GCLC: variants seen among roughly 807,000 people sequenced by gnomAD.
GCLC encodes the protein glutamate--cysteine ligase catalytic subunit.
Under a neutral mutation model 81.5 loss-of-function variants are expected in GCLC, and 30 were observed. The ratio of observed to expected loss-of-function variants is 0.37; its 90% CI spans 0.28 to 0.50. GCLC has a LOEUF of 0.50. Among genes scored for constraint, GCLC ranks in the 20% least tolerant of loss-of-function variants. GCLC has a pLI of 0.96. For synonymous variants in GCLC, 262 were observed against 273.3 expected, an observed-to-expected ratio of 0.96 and a Z score of 0.41; for missense variants, 556 against 777.4, an observed-to-expected ratio of 0.72 and a Z score of 3.39.
At chr6:53,514,050 CTAATA>C in intron 6 of GCLC, 149 bp downstream of exon 6, 1 of 663,478 alleles carries the variant, frequency 1.5e-6, no homozygotes, top group South Asian at 1.8e-5. Context: ...AATGAATTTA[CTAATA>C]TAACTTCATG....
intron 3 of GCLC, among the ~76,000 whole-genome samples, chr6:53,518,816 CAGTTCACTAGA>C (rs1469225965): frequency 6.6e-6 from 1 of 152,136 alleles, no homozygotes; most frequent in Admixed American, 6.5e-5. Context: ...TTAAATTTTC[CAGTTCACTAGA>C]AGTTGTCATT....
rs762512472 is a variant in GCLC, at chr6:53,544,667, C to CTCT, written c.-23_-22insAGA. On this transcript the variant is annotated 5_prime_UTR_variant, in exon 1 of 16. Transcript: ENST00000650454. ...CCATGGCCGCCCCCTCCTCCTCCTC[C>CTCT]TCCTCCTCCGGGCTGACGGCGGTCG... 1.9e-6 allele frequency: 3 copies of CTCT among 1,583,148 alleles called. No individual in the cohort carries two copies. The highest frequency in any genetic ancestry group is 8.5e-7 in the Non-Finnish European group (1 of 1,172,040).
In GCLC at chr6:53,522,403, A is replaced by C. The variant is rs1434443071; in HGVS notation, c.263+12T>G. ...AGTTTCAGAAACACTAAATCAGCAC[A>C]TGAGAGCTTACTTTGGGTTTGTCCT... On this transcript the variant is annotated intron_variant, in intron 2 of 15. Transcript: ENST00000650454. The C allele has an allele frequency of 6.9e-7, 1 of 1,446,670 alleles. No individual in the cohort carries two copies. The highest frequency in any genetic ancestry group is 1.7e-5 in the Admixed American group (1 of 59,840). 89.6% of individuals were successfully genotyped at this position (1,446,670 alleles called of 1,614,324 possible).
chr6:53,537,644 A>AATAC (rs1412908866), intron 1 of GCLC, among the ~76,000 whole-genome samples: 3 of 148,572 alleles, frequency 2.0e-5, no homozygotes, highest in East Asian at 1.9e-4. Flanking sequence ...TAAATACATA[A>AATAC]ATACATAATA....
intron 6 of GCLC, 84 bp downstream of exon 6, chr6:53,514,120 G>T: frequency 7.7e-7 from 1 of 1,301,728 alleles, no homozygotes; most frequent in Non-Finnish European, 1.1e-6. Flanking sequence ...TGTGATTTTT[G>T]GAACAGGAAA....
intron 6 of GCLC, chr6:53,513,415 T>C (rs1283464746): frequency 1.3e-5 from 2 of 152,240 alleles, no homozygotes; most frequent in Non-Finnish European, 2.9e-5. Context: ...CTTCTGTTAG[T>C]TAAGGCAATA....
At chr6:53,542,667 T>C (rs979623301) in intron 1 of GCLC, among the ~76,000 whole-genome samples, 2 of 152,064 alleles carry the variant, frequency 1.3e-5, no homozygotes, top group Non-Finnish European at 2.9e-5. Context: ...CCTGGGACAA[T>C]GACTACCAAA....
chr6:53,532,292 G>A (rs972535627), intron 1 of GCLC, among the ~76,000 whole-genome samples: 7 of 152,222 alleles, frequency 4.6e-5, no homozygotes, highest in Non-Finnish European at 1.0e-4. Flanking sequence ...TCTCTCGACT[G>A]CGCCCTCTCA....
intron 1 of GCLC, among the ~76,000 whole-genome samples, chr6:53,540,693 A>T (rs1453986878): frequency 6.6e-6 from 1 of 151,266 alleles, no homozygotes; most frequent in African/African-American, 2.5e-5. Flanking sequence ...ACACACACAC[A>T]CACACACACA....
chr6:53,514,063 A>AG, intron 6 of GCLC, 141 bp downstream of exon 6: 1 of 754,054 alleles, frequency 1.3e-6, no homozygotes, highest in South Asian at 1.6e-5. Flanking sequence ...ATATAACTTC[A>AG]TGTTTTTCAG....
At chr6:53,539,612 CT>C (rs199986988) in intron 1 of GCLC, among the ~76,000 whole-genome samples, 2,965 of 138,960 alleles carry the variant, frequency 0.021, 93 homozygotes, top group African/African-American at 0.078. Flanking sequence ...TCATTTTTGT[CT>C]TTTTTTTAAT....
chr6:53,504,021 T>G (rs921751838), intron 12 of GCLC, among the ~76,000 whole-genome samples: 3 of 152,156 alleles, frequency 2.0e-5, no homozygotes, highest in Admixed American at 1.3e-4. Context: ...AGGCCACTAA[T>G]TAGAATTCCT....
chr6:53,528,897 G>C (rs930276792), intron 1 of GCLC, among the ~76,000 whole-genome samples: 6 of 152,116 alleles, frequency 3.9e-5, no homozygotes, highest in Non-Finnish European at 8.8e-5. Context: ...TGAGTCCCAA[G>C]AGAAAAATTT....
intron 1 of GCLC, among the ~76,000 whole-genome samples, chr6:53,541,861 T>C (rs1763361597): frequency 2.0e-5 from 3 of 152,042 alleles, no homozygotes; most frequent in Non-Finnish European, 1.5e-5. Flanking sequence ...GTAAGAGCAG[T>C]GTTATCAAAT....
At chr6:53,502,602 C>T (rs1351538049) in intron 12 of GCLC, among the ~76,000 whole-genome samples, 1 of 152,234 alleles carries the variant, frequency 6.6e-6, no homozygotes, top group Non-Finnish European at 1.5e-5. Flanking sequence ...TTCTACCTCA[C>T]ATTTTGCCTG....
At chr6:53,505,199 C>A in intron 12 of GCLC, 193 bp downstream of exon 12, 1 of 556,594 alleles carries the variant, frequency 1.8e-6, no homozygotes, top group Non-Finnish European at 3.2e-6. Context: ...AGCCATCAAT[C>A]ATCTTGAATG....
At chr6:53,532,357 T>C (rs1763188274) in intron 1 of GCLC, among the ~76,000 whole-genome samples, 1 of 152,210 alleles carries the variant, frequency 6.6e-6, no homozygotes, top group Non-Finnish European at 1.5e-5. Context: ...AATGACCGAG[T>C]CTGCAGGAAC....
rs1763016490 is a variant in GCLC, at chr6:53,522,518, T to G, written c.160A>C (p.Met54Leu). The change falls in exon 2 of 16, where the codon ATG becomes CTG. Residue 54 changes from methionine (M) to leucine (L), a missense_variant. By Grantham distance (15) the Met-to-Leu change is conservative. Transcript: ENST00000650454. ...TTTTCATGATCAAAAGATACCAACATGTATTCCACCTATTGAAAATAAAGG... is the reference window on the plus strand; with the variant it reads ...TTTTCATGATCAAAAGATACCAACAGGTATTCCACCTATTGAAAATAAAGG... ...VLKWGDEVEY[M>L]LVSFDHENKK... The G allele has an allele frequency of 6.3e-7, 1 of 1,588,718 alleles. No homozygotes were observed. Among genetic ancestry groups the G allele is most frequent in the Non-Finnish European group, 8.6e-7 (1 of 1,157,076 alleles).
At chr6:53,518,724 A>G (rs1743999546) in intron 3 of GCLC, among the ~76,000 whole-genome samples, 1 of 152,166 alleles carries the variant, frequency 6.6e-6, no homozygotes, top group Admixed American at 6.5e-5. Flanking sequence ...TGTGTTACAA[A>G]TCCCCTCCCA....
Sources: gnomAD v4.1 joint callset for allele counts (sites outside exome capture counted in the v4.1 genomes callset) on GRCh38, gnomAD v4.1.1 for gene constraint, MANE v1.5 for transcripts, NCBI Gene and HGNC (gene_info 2026-07-23, HGNC 2026-07-21) for gene names.